The following SCRN1 variants were observed in gnomAD, a reference collection of about 807,000 sequenced individuals.
SCRN1 encodes secernin 1.
In SCRN1, 19 loss-of-function variants were observed where a neutral mutation model predicts 43.3. The observed-to-expected ratio is 0.44, with a 90% CI of 0.31 to 0.64. SCRN1 has a LOEUF of 0.64. SCRN1 is among the 30% of genes least tolerant of loss of function. SCRN1 has a pLI of 0.09. For missense variants in SCRN1, 447 were observed against 524.1 expected, an observed-to-expected ratio of 0.85 and a Z score of 1.44; for synonymous variants, 183 against 188.9, an observed-to-expected ratio of 0.97 and a Z score of 0.26.
At chr7:29,983,095 C>T (rs1462522573) in intron 1 of SCRN1, among the ~76,000 whole-genome samples, 2 of 151,938 alleles carry the variant, frequency 1.3e-5, no homozygotes, top group African/African-American at 4.8e-5. Flanking sequence ...CCTCGGCCTC[C>T]CAAAGTGCTG....
intron 3 of SCRN1, among the ~76,000 whole-genome samples, chr7:29,948,921 T>C (rs1388411997): frequency 6.6e-6 from 1 of 152,168 alleles, no homozygotes; most frequent in Non-Finnish European, 1.5e-5. Context: ...TTATTAAACA[T>C]TTACCAGCAT....
intron 6 of SCRN1, among the ~76,000 whole-genome samples, chr7:29,927,146 A>C (rs1786991076): frequency 6.6e-6 from 1 of 152,124 alleles, no homozygotes; most frequent in African/African-American, 2.4e-5. Flanking sequence ...ACAGAGTAAG[A>C]AAGATGACAG....
intron 2 of SCRN1, among the ~76,000 whole-genome samples, chr7:29,959,952 TG>T (rs1366224634): frequency 3.0e-5 from 3 of 98,784 alleles, no homozygotes; most frequent in African/African-American, 3.9e-5. Context: ...AGAAAGAAAG[TG>T]GGGGGAGGGA....
chr7:29,961,787 C>G (rs1046040432), intron 2 of SCRN1, among the ~76,000 whole-genome samples: 7 of 146,526 alleles, frequency 4.8e-5, no homozygotes, highest in East Asian at 3.9e-4. Context: ...CTGACCCCCC[C>G]ACCTCCCTCC....
intron 1 of SCRN1, among the ~76,000 whole-genome samples, chr7:29,970,534 T>C (rs577089508): frequency 1.6e-4 from 25 of 152,250 alleles, no homozygotes; most frequent in Non-Finnish European, 3.1e-4. Context: ...ACTTGTTTGA[T>C]TATTTTATTA....
intron 2 of SCRN1, among the ~76,000 whole-genome samples, chr7:29,966,159 CAGAGAGAGAGAGAGAG>C (rs58247318): frequency 1.4e-4 from 12 of 84,468 alleles, no homozygotes; most frequent in East Asian, 3.4e-4. Flanking sequence ...GACCGAGAGA[CAGAGAGAGAGAGAGAG>C]AGAGAGAGAG....
intron 1 of SCRN1, among the ~76,000 whole-genome samples, chr7:29,977,217 C>T (rs543811170): frequency 6.6e-6 from 1 of 152,196 alleles, no homozygotes; most frequent in Non-Finnish European, 1.5e-5. Context: ...AAGAATGAAA[C>T]CCAAATGTCC....
At chr7:29,936,222 C>T (rs538202148) in intron 6 of SCRN1, among the ~76,000 whole-genome samples, 1 of 152,288 alleles carries the variant, frequency 6.6e-6, no homozygotes, top group South Asian at 2.1e-4. Context: ...CCTCATGTAC[C>T]ACACAATGCT....
chr7:29,959,198 C>T (rs188867852), intron 2 of SCRN1, among the ~76,000 whole-genome samples: 15 of 152,270 alleles, frequency 9.9e-5, no homozygotes, highest in African/African-American at 3.4e-4. Flanking sequence ...TTGTGCCTTT[C>T]GTACTGTACT....
At chr7:29,975,231 G>T (rs1788778922) in intron 1 of SCRN1, among the ~76,000 whole-genome samples, 1 of 152,148 alleles carries the variant, frequency 6.6e-6, no homozygotes, top group African/African-American at 2.4e-5. Context: ...TTTGATGATG[G>T]GGTTTTCCAT....
intron 5 of SCRN1, among the ~76,000 whole-genome samples, chr7:29,937,818 A>C (rs1441006312): frequency 1.3e-5 from 2 of 152,224 alleles, no homozygotes; most frequent in African/African-American, 4.8e-5. Context: ...ACCATGATGG[A>C]ATTGAAGCAT....
At chr7:29,960,822 A>T (rs1004756294) in intron 2 of SCRN1, among the ~76,000 whole-genome samples, 30 of 152,130 alleles carry the variant, frequency 2.0e-4, no homozygotes, top group Non-Finnish European at 1.3e-4. Flanking sequence ...AGTTGAGATG[A>T]GTTCTCTGAT....
intron 4 of SCRN1, among the ~76,000 whole-genome samples, chr7:29,941,580 G>A (rs891176339): frequency 6.6e-6 from 1 of 152,160 alleles, no homozygotes; most frequent in Non-Finnish European, 1.5e-5. Flanking sequence ...TAAAGTGTGT[G>A]CATGCGTGTG....
chr7:29,958,066 T>C (rs1231303567), intron 2 of SCRN1, among the ~76,000 whole-genome samples: 2 of 152,280 alleles, frequency 1.3e-5, no homozygotes, highest in African/African-American at 4.8e-5. Flanking sequence ...AGTAGCCAGA[T>C]GGGCCCAATC....
intron 5 of SCRN1, among the ~76,000 whole-genome samples, chr7:29,938,052 G>A (rs1261168478): frequency 2.0e-5 from 3 of 151,224 alleles, no homozygotes; most frequent in Non-Finnish European, 2.9e-5. Flanking sequence ...TTTTTGAGAT[G>A]GAGTCTCGTT....
chr7:29,988,396 C>T (rs1789232283), intron 1 of SCRN1, among the ~76,000 whole-genome samples: 1 of 152,294 alleles, frequency 6.6e-6, no homozygotes, highest in East Asian at 1.9e-4. Context: ...AAACTTCCCA[C>T]TTAACAACTC....
intron 3 of SCRN1, among the ~76,000 whole-genome samples, chr7:29,951,220 G>C (rs115074644): frequency 6.6e-6 from 1 of 152,198 alleles, no homozygotes; most frequent in Non-Finnish European, 1.5e-5. Flanking sequence ...CTGCAGCCTC[G>C]CACAGAGCTA....
At chr7:29,952,694 A>AAGAG (rs372707934) in intron 3 of SCRN1, among the ~76,000 whole-genome samples, 17 of 148,926 alleles carry the variant, frequency 1.1e-4, no homozygotes, top group African/African-American at 2.7e-4. Flanking sequence ...AAAAAAAAAA[A>AAGAG]AGAGAGAGAG....
At position 29,955,304 on chromosome 7, in the gene SCRN1, T is replaced by C. The variant is rs199859379; in HGVS notation, c.216A>G (p.Arg72=). The C allele has an allele frequency of 2.4e-5, 38 of 1,614,174 alleles. No individual in the cohort carries two copies. The African/African-American group carries it at 3.9e-4, about 16-fold the overall frequency. ...TTTCTGCTCCCCAGAGCCAGGCGGG[T>C]CTGCTTATCATTATGGCATAGGTCC... ...VPRTYAIMIS[R]PAWLWGAEMG... Residue 72 remains arginine, a synonymous_variant, in exon 3 of 8, where the codon AGA becomes AGG. Coordinates refer to ENST00000242059, the MANE Select transcript of SCRN1 (RefSeq NM_014766.5).
Sources: gnomAD v4.1 joint callset for allele counts (sites outside exome capture counted in the v4.1 genomes callset) on GRCh38, gnomAD v4.1.1 for gene constraint, MANE v1.5 for transcripts, NCBI Gene and HGNC (gene_info 2026-07-23, HGNC 2026-07-21) for gene names.